Variants in SNTG1 observed in about 807,000 individuals in gnomAD.
SNTG1 encodes the protein gamma-1-syntrophin.
SNTG1 carries 39 observed loss-of-function variants against 74.7 expected under a neutral mutation model. The ratio of observed to expected loss-of-function variants is 0.52; its 90% CI spans 0.40 to 0.68. SNTG1 has a LOEUF of 0.68. Among genes scored for constraint, SNTG1 ranks in the 30% least tolerant of loss-of-function variants. The pLI is 0.00. For missense variants in SNTG1, 685 were observed against 609.5 expected (o/e 1.12, Z -1.30); for synonymous variants, 254 against 217.1 (o/e 1.17, Z -1.49).
At chr8:50,148,079 A>G (rs1267561488) in intron 1 of SNTG1, among the ~76,000 whole-genome samples, 1 of 152,224 alleles carries the variant, frequency 6.6e-6, no homozygotes, top group Non-Finnish European at 1.5e-5. Flanking sequence ...GTACAATTTG[A>G]GCAAAAATAT....
intron 18 of SNTG1, among the ~76,000 whole-genome samples, chr8:50,758,020 C>T (rs1204180913): frequency 6.6e-6 from 1 of 151,920 alleles, no homozygotes; most frequent in East Asian, 1.9e-4. Context: ...TTTGCTTATA[C>T]ACAATCCTAT....
intron 18 of SNTG1, among the ~76,000 whole-genome samples, chr8:50,783,670 C>T (rs184160176): frequency 4.2e-4 from 64 of 152,306 alleles, no homozygotes; most frequent in Admixed American, 4.1e-3. Context: ...AATGCCTTGC[C>T]CTGCTTCGGC....
intron 1 of SNTG1, among the ~76,000 whole-genome samples, chr8:50,151,026 G>T (rs1047841025): frequency 6.6e-6 from 1 of 152,182 alleles, no homozygotes; most frequent in African/African-American, 2.4e-5. Context: ...ATTCGGCTGT[G>T]AATCTGCCTG....
chr8:50,401,432 A>G (rs1282317769), intron 3 of SNTG1, among the ~76,000 whole-genome samples: 1 of 152,218 alleles, frequency 6.6e-6, no homozygotes, highest in East Asian at 1.9e-4. Context: ...AAATCTTTAC[A>G]GTCTGTTTTC....
At chr8:50,027,243 C>A (rs1817347747) in intron 1 of SNTG1, among the ~76,000 whole-genome samples, 1 of 152,086 alleles carries the variant, frequency 6.6e-6, no homozygotes, top group African/African-American at 2.4e-5. Context: ...GCTCTCTATG[C>A]CTCACTGTTT....
At chr8:50,552,512 G>T (rs2094433024) in intron 11 of SNTG1, among the ~76,000 whole-genome samples, 1 of 152,182 alleles carries the variant, frequency 6.6e-6, no homozygotes, top group African/African-American at 2.4e-5. Context: ...TGAACCTCTT[G>T]TTCCAAATCA....
chr8:50,736,368 A>G (rs1285211353), intron 17 of SNTG1, among the ~76,000 whole-genome samples: 1 of 152,126 alleles, frequency 6.6e-6, no homozygotes, highest in Non-Finnish European at 1.5e-5. Context: ...CAATGCAACA[A>G]GAAGAGCTAA....
chr8:50,150,396 T>G (rs1178014363), intron 1 of SNTG1, among the ~76,000 whole-genome samples: 2 of 151,954 alleles, frequency 1.3e-5, no homozygotes, highest in Admixed American at 6.6e-5. Context: ...TCTTTCTCCT[T>G]CCTGATTGCC....
intron 1 of SNTG1, among the ~76,000 whole-genome samples, chr8:50,142,557 G>A (rs2081702081): frequency 6.6e-6 from 1 of 151,714 alleles, no homozygotes; most frequent in African/African-American, 2.4e-5. Context: ...TTTAAGAAAA[G>A]GTAACCAGAA....
At chr8:50,344,618 T>C (rs2091418363) in intron 2 of SNTG1, among the ~76,000 whole-genome samples, 1 of 152,206 alleles carries the variant, frequency 6.6e-6, no homozygotes, top group East Asian at 1.9e-4. Flanking sequence ...AATGGCAGTC[T>C]TCCCACTTGC....
chr8:50,615,590 A>C (rs946126802), intron 13 of SNTG1, among the ~76,000 whole-genome samples: 8 of 152,182 alleles, frequency 5.3e-5, no homozygotes, highest in South Asian at 4.1e-4. Context: ...AACTCTACAA[A>C]AGCTTCCAGT....
At chr8:50,742,865 A>C (rs897742814) in intron 17 of SNTG1, among the ~76,000 whole-genome samples, 2 of 151,912 alleles carry the variant, frequency 1.3e-5, no homozygotes, top group African/African-American at 4.8e-5. Context: ...TATTGTAAAA[A>C]TAAATGGATT....
At chr8:50,469,307 TCTC>T in intron 8 of SNTG1, among the ~76,000 whole-genome samples, 1 of 152,118 alleles carries the variant, frequency 6.6e-6, no homozygotes. Context: ...TTCACTTTTT[TCTC>T]CTCTTGTTTT....
chr8:50,687,059 C>G (rs1196793885), intron 15 of SNTG1, among the ~76,000 whole-genome samples: 1 of 150,460 alleles, frequency 6.6e-6, no homozygotes, highest in Non-Finnish European at 1.5e-5. Context: ...GGCGTGAACC[C>G]GGGAAGCGGA....
intron 1 of SNTG1, among the ~76,000 whole-genome samples, chr8:50,025,834 T>C (rs575675375): frequency 1.7e-4 from 26 of 152,310 alleles, no homozygotes; most frequent in African/African-American, 5.5e-4. Flanking sequence ...CTCATGGTTA[T>C]GTGTTGGTAT....
intron 4 of SNTG1, among the ~76,000 whole-genome samples, chr8:50,416,628 A>G (rs2093017420): frequency 1.3e-5 from 2 of 152,162 alleles, no homozygotes; most frequent in African/African-American, 2.4e-5. Flanking sequence ...TAATTTACAG[A>G]ATATTTTAGA....
At chr8:49,977,073 C>T (rs1033424621) in intron 1 of SNTG1, among the ~76,000 whole-genome samples, 2 of 152,026 alleles carry the variant, frequency 1.3e-5, no homozygotes, top group African/African-American at 4.8e-5. Flanking sequence ...GTCATTGCAA[C>T]TCAATTCAAA....
chr8:50,598,412 G>GT (rs1299837998), intron 13 of SNTG1, among the ~76,000 whole-genome samples: 2 of 151,704 alleles, frequency 1.3e-5, no homozygotes, highest in Non-Finnish European at 1.5e-5. Flanking sequence ...TTATTCTTAG[G>GT]TTTTCTTTTC....
intron 13 of SNTG1, among the ~76,000 whole-genome samples, chr8:50,641,181 C>T (rs2095070421): frequency 6.6e-6 from 1 of 152,154 alleles, no homozygotes; most frequent in Non-Finnish European, 1.5e-5. Context: ...GAAGTACACG[C>T]CTAAAGCAAC....
Sources: gnomAD v4.1 joint callset for allele counts (sites outside exome capture counted in the v4.1 genomes callset) on GRCh38, gnomAD v4.1.1 for gene constraint, MANE v1.5 for transcripts, NCBI Gene and HGNC (gene_info 2026-07-23, HGNC 2026-07-21) for gene names.